Variants in SRPK2 observed in about 807,000 individuals in gnomAD.
The protein encoded by SRPK2 is SRSF protein kinase 2.
A neutral mutation model predicts 90.8 loss-of-function variants in SRPK2; 21 were observed. That is an observed-to-expected ratio of 0.23 (90% CI 0.16 to 0.33). The LOEUF (loss-of-function observed/expected upper bound fraction) is 0.33, where lower values mean the gene tolerates loss of function less well. Among genes scored for constraint, SRPK2 ranks in the 10% least tolerant of loss-of-function variants. The probability of loss-of-function intolerance (pLI) is 1.00; values close to 1 mark genes in which losing one functional copy is unlikely to be tolerated. For missense variants in SRPK2, 620 were observed against 869.0 expected (o/e 0.71, Z 3.60); for synonymous variants, 288 against 311.1 (o/e 0.93, Z 0.78).
chr7:105,256,776 G>GAGCC (rs1563154950), intron 2 of SRPK2, among the ~76,000 whole-genome samples: 1 of 152,198 alleles, frequency 6.6e-6, no homozygotes, highest in Non-Finnish European at 1.5e-5. Context: ...ATCAGCAAGA[G>GAGCC]AGCCGATCAG....
chr7:105,212,641 T>C lies in SRPK2; in HGVS notation c.72-8856A>G, dbSNP rs770914689. ...AGTAGTAGCCACTGAAATGCAACCA[T>C]AGAAACAAGGATTAGCTTTCTGCAA... On this transcript the variant is annotated intron_variant, in intron 2 of 15. Coordinates refer to ENST00000393651, the MANE Select transcript of SRPK2 (RefSeq NM_182692.3). Among the ~76,000 whole-genome samples, 77 of 152,154 alleles carry C rather than the reference T, an allele frequency of 5.1e-4. 2 individuals carry two copies. Among genetic ancestry groups the C allele is most frequent in the Non-Finnish European group, 2.5e-4 (17 of 68,026 alleles).
At chr7:105,124,637 A>G (rs980113113) in intron 15 of SRPK2, among the ~76,000 whole-genome samples, 15 of 146,902 alleles carry the variant, frequency 1.0e-4, no homozygotes, top group African/African-American at 3.3e-4. Context: ...GCAAAACTCC[A>G]TCTAAAAAAA....
chr7:105,295,936 C>T (rs1484746115), intron 2 of SRPK2, among the ~76,000 whole-genome samples: 1 of 152,182 alleles, frequency 6.6e-6, no homozygotes, highest in Non-Finnish European at 1.5e-5. Context: ...ATAAACACTG[C>T]TAGCAAATGA....
chr7:105,248,161 C>T (rs1801971802), intron 2 of SRPK2, among the ~76,000 whole-genome samples: 1 of 152,108 alleles, frequency 6.6e-6, no homozygotes, highest in South Asian at 2.1e-4. Context: ...TCGGCCTTAA[C>T]AATCTTTTAA....
chr7:105,261,145 G>T (rs1443476815), intron 2 of SRPK2, among the ~76,000 whole-genome samples: 1 of 151,790 alleles, frequency 6.6e-6, no homozygotes, highest in East Asian at 1.9e-4. Context: ...TTTTGGCACA[G>T]AGATGGAAAG....
intron 11 of SRPK2, among the ~76,000 whole-genome samples, chr7:105,140,021 T>C (rs542270506): frequency 7.2e-5 from 11 of 152,306 alleles, no homozygotes; most frequent in South Asian, 2.1e-4. Context: ...TATATCTTCC[T>C]ATACACTTTA....
chr7:105,188,314 T>G (rs1455400624), intron 3 of SRPK2, among the ~76,000 whole-genome samples: 2 of 152,166 alleles, frequency 1.3e-5, no homozygotes, highest in African/African-American at 4.8e-5. Context: ...GCTTAGTGAT[T>G]GCTAAGGGTT....
Position 105,177,582 on chromosome 7 carries a change from C to T in SRPK2, c.230-8317G>A, listed in dbSNP as rs118067397. Among the ~76,000 whole-genome samples, 467 of 152,190 alleles carry T rather than the reference C, an allele frequency of 3.1e-3. 14 individuals carry two copies. In the East Asian group the frequency reaches 0.062, roughly 20 times the overall value. ...CAAATGATGTGTCAATGGAGGTTTA[C>T]CAATTCTAACAAATGTACTACTCTG... On this transcript the variant is annotated intron_variant, in intron 3 of 15. Coordinates refer to ENST00000393651, the MANE Select transcript of SRPK2 (RefSeq NM_182692.3).
intron 2 of SRPK2, chr7:105,245,005 C>A: frequency 1.2e-6 from 1 of 859,886 alleles, no homozygotes; most frequent in Non-Finnish European, 1.9e-6. Context: ...AAATAAAGAA[C>A]AGCTTGAGAG....
intron 3 of SRPK2, among the ~76,000 whole-genome samples, chr7:105,192,914 A>G (rs1180688330): frequency 6.6e-6 from 1 of 151,346 alleles, no homozygotes; most frequent in Non-Finnish European, 1.5e-5. Flanking sequence ...TGCTAATTTG[A>G]GTTCATTGTA....
chr7:105,272,932 C>T (rs1200413191), intron 2 of SRPK2, among the ~76,000 whole-genome samples: 7 of 151,936 alleles, frequency 4.6e-5, no homozygotes, highest in African/African-American at 1.2e-4. Context: ...ATATCTTTCC[C>T]GGCCGGGCGC....
chr7:105,184,150 T>G (rs953250899), intron 3 of SRPK2, among the ~76,000 whole-genome samples: 3 of 151,652 alleles, frequency 2.0e-5, no homozygotes, highest in Non-Finnish European at 1.5e-5. Flanking sequence ...TAATTTTTTT[T>G]GTATTTTTAG....
intron 2 of SRPK2, among the ~76,000 whole-genome samples, chr7:105,326,125 A>G (rs1311086255): frequency 6.6e-6 from 1 of 152,218 alleles, no homozygotes; most frequent in Non-Finnish European, 1.5e-5. Flanking sequence ...CTTAATTCAT[A>G]CCCTATCATT....
At chr7:105,160,197 T>G (rs1029521393) in intron 7 of SRPK2, 1 of 182,828 alleles carries the variant, frequency 5.5e-6, no homozygotes, top group Non-Finnish European at 1.1e-5. Flanking sequence ...ACTAAGTGGA[T>G]GTTTTATAGT....
intron 2 of SRPK2, among the ~76,000 whole-genome samples, chr7:105,356,939 T>C (rs1817843916): frequency 6.6e-6 from 1 of 152,186 alleles, no homozygotes. Context: ...AAAGGCCTTA[T>C]GTGTATCCAC....
chr7:105,142,129 T>A lies in SRPK2; in HGVS notation c.1422A>T (p.Glu474Asp). The A allele has an allele frequency of 6.2e-7, 1 of 1,614,092 alleles. No homozygotes were observed. The change falls in exon 11 of 16, where the codon GAA becomes GAT. Residue 474 changes from glutamate to aspartate, a missense_variant. Physicochemically the swap from Glu to Asp is conservative, Grantham distance 45. This residue lies in a region of SRPK2 where 243 missense variants were observed against 245.7 expected (regional missense o/e 0.99). Transcript: ENST00000393651. ...FSTSLFSGSL[E>D]PVACGSVLSE... is the part of the protein sequence containing the mutation. ...AAAGCACAGAGCCGCAGGCCACAGG[T>A]TCTAAGGATCCAGAGAACAACGAGG...
intron 2 of SRPK2, among the ~76,000 whole-genome samples, chr7:105,351,279 AC>A (rs1216024721): frequency 5.9e-5 from 9 of 151,878 alleles, no homozygotes; most frequent in Non-Finnish European, 1.0e-4. Context: ...CATTAGATGC[AC>A]CCCTTGACCT....
At chr7:105,344,580 T>C (rs1226466436) in intron 2 of SRPK2, among the ~76,000 whole-genome samples, 1 of 151,964 alleles carries the variant, frequency 6.6e-6, no homozygotes, top group Non-Finnish European at 1.5e-5. Flanking sequence ...TCTGAATTTT[T>C]TCAATCATTT....
At chr7:105,174,570 A>T (rs1466447104) in intron 3 of SRPK2, among the ~76,000 whole-genome samples, 2 of 152,190 alleles carry the variant, frequency 1.3e-5, no homozygotes, top group Non-Finnish European at 2.9e-5. Context: ...ATGATTAAAA[A>T]AAGGAAGGGG....
Sources: gnomAD v4.1 joint callset for allele counts (sites outside exome capture counted in the v4.1 genomes callset) on GRCh38, gnomAD v4.1.1 for gene constraint, gnomAD v4.1.1 regional missense constraint, MANE v1.5 for transcripts, NCBI Gene and HGNC (gene_info 2026-07-23, HGNC 2026-07-21) for gene names.